SGCZ: variants seen among roughly 807,000 people sequenced by gnomAD.
SGCZ encodes sarcoglycan zeta, also known as zeta-sarcoglycan.
Under a neutral mutation model 41.3 loss-of-function variants are expected in SGCZ, and 40 were observed. That is an observed-to-expected ratio of 0.97 (90% CI 0.75 to 1.26). The LOEUF (loss-of-function observed/expected upper bound fraction) is 1.26, where lower values mean the gene tolerates loss of function less well. Among genes scored for constraint, SGCZ ranks in the 50% most tolerant of loss-of-function variants. The pLI is 0.00. For synonymous variants in SGCZ, 206 were observed against 137.5 expected, an observed-to-expected ratio of 1.50 and a Z score of -3.49; for missense variants, 552 against 369.8, an observed-to-expected ratio of 1.49 and a Z score of -4.04.
chr8:14,397,483 T>C (rs889662883), intron 2 of SGCZ, among the ~76,000 whole-genome samples: 6 of 152,178 alleles, frequency 3.9e-5, no homozygotes, highest in African/African-American at 1.2e-4. Flanking sequence ...CAAGCTGTGA[T>C]AGTGTCCAAG....
chr8:14,994,649 G>C (rs1427217251), intron 1 of SGCZ, among the ~76,000 whole-genome samples: 1 of 151,086 alleles, frequency 6.6e-6, no homozygotes, highest in Non-Finnish European at 1.5e-5. Flanking sequence ...GTAGATTAGG[G>C]GCGTGTGTGT....
At chr8:14,479,970 C>G (rs1214557015) in intron 2 of SGCZ, among the ~76,000 whole-genome samples, 1 of 152,144 alleles carries the variant, frequency 6.6e-6, no homozygotes, top group Non-Finnish European at 1.5e-5. Flanking sequence ...GTCTCGAATT[C>G]CTGACCTCAA....
intron 2 of SGCZ, among the ~76,000 whole-genome samples, chr8:14,417,827 A>G (rs1799536782): frequency 6.6e-6 from 1 of 151,920 alleles, no homozygotes; most frequent in Non-Finnish European, 1.5e-5. Flanking sequence ...ATATCACATT[A>G]TACAACTTAA....
At position 14,339,037 on chromosome 8, in the gene SGCZ, G is replaced by A. The variant is rs149559088; in HGVS notation, c.235-14833C>T. Among the ~76,000 whole-genome samples the A allele has an allele frequency of 9.7e-4, 147 of 152,194 alleles. 1 individual carries two copies. The highest frequency in any genetic ancestry group is 3.5e-3 in the African/African-American group (145 of 41,548). On this transcript the variant is annotated intron_variant, in intron 2 of 7. Coordinates refer to ENST00000382080, the MANE Select transcript of SGCZ (RefSeq NM_139167.4). ...GAGAAATTAGTACATTAATATTTCTGCCAAGTGGGAAGAAAATTAGTAAAA... is the reference window on the plus strand; with the variant it reads ...GAGAAATTAGTACATTAATATTTCTACCAAGTGGGAAGAAAATTAGTAAAA...
At chr8:14,743,091 A>C (rs1172337794) in intron 1 of SGCZ, among the ~76,000 whole-genome samples, 2 of 152,136 alleles carry the variant, frequency 1.3e-5, no homozygotes, top group African/African-American at 4.8e-5. Context: ...TTAAAAAAGT[A>C]TGCACAATCA....
chr8:14,476,843 A>G (rs1405085082), intron 2 of SGCZ, among the ~76,000 whole-genome samples: 3 of 152,158 alleles, frequency 2.0e-5, no homozygotes, highest in Admixed American at 6.6e-5. Flanking sequence ...ATTGTCTTAG[A>G]CAATCAGTCC....
intron 3 of SGCZ, among the ~76,000 whole-genome samples, chr8:14,269,057 T>C (rs1277114773): frequency 6.6e-6 from 1 of 152,032 alleles, no homozygotes; most frequent in African/African-American, 2.4e-5. Context: ...TCCAATTCTA[T>C]ATCATTAAAC....
intron 2 of SGCZ, among the ~76,000 whole-genome samples, chr8:14,429,187 A>C (rs796355804): frequency 6.6e-6 from 1 of 152,164 alleles, no homozygotes; most frequent in Non-Finnish European, 1.5e-5. Flanking sequence ...ATAACAAATA[A>C]TAGTATTTTA....
chr8:14,910,678 C>A (rs1275224237), intron 1 of SGCZ, among the ~76,000 whole-genome samples: 1 of 151,618 alleles, frequency 6.6e-6, no homozygotes, highest in Non-Finnish European at 1.5e-5. Flanking sequence ...ATAAAATGAG[C>A]TATTGATTCT....
chr8:15,209,009 G>C (rs76899228), intron 1 of SGCZ, among the ~76,000 whole-genome samples: 2,408 of 151,958 alleles, frequency 0.016, 55 homozygotes, highest in African/African-American at 0.055. Flanking sequence ...CTTCAGAGTG[G>C]TGTGGTAGAG....
At chr8:14,100,602 A>AATTTATATTAATATATTAATAT (rs1801989372) in intron 7 of SGCZ, among the ~76,000 whole-genome samples, 2 of 143,832 alleles carry the variant, frequency 1.4e-5, no homozygotes, top group Non-Finnish European at 3.0e-5. Context: ...ATATTTTATT[A>AATTTATATTAATATATTAATAT]ATTTATATTA....
intron 1 of SGCZ, 136 bp from the exon 2 acceptor site, chr8:14,555,062 T>C (rs1803993224): frequency 5.5e-6 from 4 of 725,908 alleles, no homozygotes; most frequent in Non-Finnish European, 8.7e-6. Flanking sequence ...ATAACTATTG[T>C]TGTGTAATTA....
At chr8:14,166,118 G>T (rs1040812799) in intron 4 of SGCZ, among the ~76,000 whole-genome samples, 1 of 152,004 alleles carries the variant, frequency 6.6e-6, no homozygotes, top group African/African-American at 2.4e-5. Flanking sequence ...AATTTGAAAA[G>T]CTTCAACTAG....
intron 5 of SGCZ, among the ~76,000 whole-genome samples, chr8:14,151,950 T>A (rs867735890): frequency 1.6e-4 from 24 of 152,100 alleles, no homozygotes; most frequent in Admixed American, 9.8e-4. Flanking sequence ...AAATATATCA[T>A]AGACTTTAAT....
intron 2 of SGCZ, among the ~76,000 whole-genome samples, chr8:14,361,343 T>C (rs1803505430): frequency 6.6e-6 from 1 of 152,194 alleles, no homozygotes; most frequent in South Asian, 2.1e-4. Context: ...ATTTGGTCTT[T>C]TCACATAGTC....
intron 1 of SGCZ, among the ~76,000 whole-genome samples, chr8:15,121,847 A>T (rs1807490090): frequency 6.6e-6 from 1 of 151,634 alleles, no homozygotes; most frequent in Non-Finnish European, 1.5e-5. Flanking sequence ...CTGGAAAAAT[A>T]TAAACAAAAA....
intron 1 of SGCZ, among the ~76,000 whole-genome samples, chr8:15,103,072 T>C (rs1806674015): frequency 6.6e-6 from 1 of 152,078 alleles, no homozygotes; most frequent in Non-Finnish European, 1.5e-5. Flanking sequence ...GTGAGTTTCA[T>C]AAGGAGAGAT....
At chr8:14,551,403 C>T (rs1164503690) in intron 2 of SGCZ, among the ~76,000 whole-genome samples, 2 of 109,698 alleles carry the variant, frequency 1.8e-5, no homozygotes, top group South Asian at 5.4e-4. Context: ...GTTGTACTGA[C>T]CTCAACAAAT....
chr8:14,711,181 G>A (rs1809502758), intron 1 of SGCZ, among the ~76,000 whole-genome samples: 1 of 152,138 alleles, frequency 6.6e-6, no homozygotes. Context: ...ATGGATAAAT[G>A]TTAAAACATT....
Sources: gnomAD v4.1 joint callset for allele counts (sites outside exome capture counted in the v4.1 genomes callset) on GRCh38, gnomAD v4.1.1 for gene constraint, MANE v1.5 for transcripts, NCBI Gene and HGNC (gene_info 2026-07-23, HGNC 2026-07-21) for gene names.